The following MYC variants were observed in gnomAD, a reference collection of about 807,000 sequenced individuals.
The protein encoded by MYC is MYC proto-oncogene, bHLH transcription factor.
A neutral mutation model predicts 30.5 loss-of-function variants in MYC; 1 was observed. That is an observed-to-expected ratio of 0.03 (90% CI 0.01 to 0.16). MYC has a LOEUF of 0.16. Among genes scored for constraint, MYC ranks in the 10% least tolerant of loss-of-function variants. The pLI is 1.00. For missense variants in MYC, 508 were observed against 589.0 expected, an observed-to-expected ratio of 0.86 and a Z score of 1.42; for synonymous variants, 267 against 250.7, an observed-to-expected ratio of 1.07 and a Z score of -0.62.
rs2130094111 is a variant in MYC at position 127,738,512 on chromosome 8, G to A, written c.295G>A (p.Gly99Arg). 1.9e-6 allele frequency: 3 copies of A among 1,610,894 alleles called. No individual in the cohort carries two copies. Among genetic ancestry groups the A allele is most frequent in the Non-Finnish European group, 2.5e-6 (3 of 1,178,098 alleles). Residue 99 changes from glycine (G) to arginine (R), a missense_variant, in exon 2 of 3, where the codon GGA (glycine) becomes AGA (arginine). By Grantham distance (125) the Gly-to-Arg change is moderately radical. This residue lies in a region of MYC where 364 missense variants were observed against 381.1 expected (regional missense o/e 0.96). Coordinates refer to ENST00000621592, the MANE Select transcript of MYC (RefSeq NM_002467.6). The surrounding 1 kb of genome is among the most constrained non-coding windows in gnomAD (Gnocchi z 7.6). ...TGCGGTCACACCCTTCTCCCTTCGGGGAGACAACGACGGCGGTGGCGGGAG... is the reference window on the plus strand; with the variant it reads ...TGCGGTCACACCCTTCTCCCTTCGGAGAGACAACGACGGCGGTGGCGGGAG...
In MYC at chr8:127,736,282, G is replaced by T; in HGVS notation, c.-312G>T. 6 of 546,914 alleles carry T rather than the reference G, an allele frequency of 1.1e-5. No homozygotes were observed. In the South Asian group the frequency reaches 1.6e-4, roughly 15 times the overall value. The allele number at this position is 546,914 out of a possible 1,614,324, so 33.9% of individuals were successfully genotyped here. A position where few individuals can be genotyped will look rare whatever the true frequency, so the allele number is the denominator to read the frequency against. ...GGCAGAGGGAGCGAGCGGGCGGCCG[G>T]CTAGGGTGGAAGAGCCGGGCGAGCA... On this transcript the variant is annotated 5_prime_UTR_variant, in exon 1 of 3. Coordinates refer to ENST00000621592, the MANE Select transcript of MYC (RefSeq NM_002467.6).
Position 127,741,752 on chromosome 8 carries a change from G to A in MYC, c.*794G>A, listed in dbSNP as rs1023896394. On this transcript the variant is annotated 3_prime_UTR_variant, in exon 3 of 3. Coordinates refer to ENST00000621592, the MANE Select transcript of MYC (RefSeq NM_002467.6). ...GGCATAAGGACTGGGGAGTTGGGAG[G>A]AAGGTGAGGAAGAAACTCCTGTTAC... Among the ~76,000 whole-genome samples the A allele has an allele frequency of 3.3e-5, 5 of 152,180 alleles. No individual in the cohort carries two copies. The highest frequency in any genetic ancestry group is 6.5e-5 in the Admixed American group (1 of 15,286).
At chr8:127,739,667 T>TA (rs1313531313) in intron 2 of MYC, among the ~76,000 whole-genome samples, 2 of 152,288 alleles carry the variant, frequency 1.3e-5, no homozygotes, top group South Asian at 4.1e-4. Flanking sequence ...TTTTTTTTTT[T>TA]TTATTTTTCA....
Position 127,740,951 on chromosome 8 carries a change from G to A in MYC, c.1358G>A (p.Cys453Tyr). 3 of 1,557,130 alleles carry A rather than the reference G, an allele frequency of 1.9e-6. No individual in the cohort carries two copies. The highest frequency in any genetic ancestry group is 1.2e-5 in the South Asian group (1 of 81,902). Residue 453 changes from cysteine to tyrosine, a missense_variant, in exon 3 of 3, where the codon TGT becomes TAT. Coordinates refer to ENST00000621592, the MANE Select transcript of MYC (RefSeq NM_002467.6). ...AAACTTGAACAGCTACGGAACTCTT[G>A]TGCGTAAGGAAAAGTAAGGAAAACG...
Position 127,738,509 on chromosome 8 carries a change from C to T in MYC, c.292C>T (p.Arg98Trp), listed in dbSNP as rs1813646341. ...CGTTGCGGTCACACCCTTCTCCCTT[C>T]GGGGAGACAACGACGGCGGTGGCGG... The change falls in exon 2 of 3, where the codon CGG (arginine) becomes TGG (tryptophan). Residue 98 changes from arginine (R) to tryptophan (W), a missense_variant. Arg to Trp is a moderately radical substitution (Grantham distance 101, BLOSUM62 -3). Coordinates refer to ENST00000621592, the MANE Select transcript of MYC (RefSeq NM_002467.6). This position sits in a 1 kb window ranked among gnomAD's most constrained non-coding sequence, Gnocchi z 7.6. 3.7e-6 allele frequency: 6 copies of T among 1,610,278 alleles called. No homozygotes were observed. The highest frequency in any genetic ancestry group is 1.1e-5 in the South Asian group (1 of 90,346).
Position 127,736,537 on chromosome 8 carries a change from C to T in MYC, c.-57C>T. 1.2e-6 allele frequency: 2 copies of T among 1,604,764 alleles called. No homozygotes were observed. Among genetic ancestry groups the T allele is most frequent in the South Asian group, 1.1e-5 (1 of 90,618 alleles). On this transcript the variant is annotated 5_prime_UTR_variant, in exon 1 of 3. Transcript: ENST00000621592. ...CTATTCTGCCCATTTGGGGACACTTCCCCGCCGCTGCCAGGACCCGCTTCT... is the reference window on the plus strand; with the variant it reads ...CTATTCTGCCCATTTGGGGACACTTTCCCGCCGCTGCCAGGACCCGCTTCT...
At position 127,741,573 on chromosome 8, in the gene MYC, G is replaced by A. The variant is rs1173655072; in HGVS notation, c.*615G>A. 1.1e-5 allele frequency: 2 copies of A among 182,160 alleles called. No individual in the cohort carries two copies. Among genetic ancestry groups the A allele is most frequent in the Admixed American group, 1.2e-4 (2 of 16,072 alleles). The allele number at this position is 182,160 out of a possible 1,614,324, so 11.3% of individuals were successfully genotyped here. On this transcript the variant is annotated 3_prime_UTR_variant, in exon 3 of 3. Coordinates refer to ENST00000621592, the MANE Select transcript of MYC (RefSeq NM_002467.6). The stretch of plus-strand genomic sequence containing the variant: ...TTGAAATGGGTCTGGGGGCCTTAAG[G>A]TCTTTAAGTTCTTGGAGGTTCTAAG...
intron 1 of MYC, 73 bp downstream of exon 1, chr8:127,736,696 A>G (rs1441575428): frequency 6.6e-7 from 1 of 1,506,030 alleles, no homozygotes; most frequent in East Asian, 2.3e-5. Context: ...TCGAATGCCT[A>G]AATAGGGTGT....
In MYC at chr8:127,740,261, G is replaced by A. The variant is rs995160332; in HGVS notation, c.803-135G>A. ...AGCCAGGGCACCAGGCTTAGATGTG[G>A]CTCTTTGGGGAGATAATTTTGTCCA... is the stretch of plus-strand genomic sequence containing the variant. On this transcript the variant is annotated intron_variant, in intron 2 of 2. Transcript: ENST00000621592. 26 of 935,944 alleles carry A rather than the reference G, an allele frequency of 2.8e-5. No homozygotes were observed. The African/African-American group carries it at 3.4e-4, about 12-fold the overall frequency. 58.0% of individuals were successfully genotyped at this position (935,944 alleles called of 1,614,324 possible). A position where few individuals can be genotyped will look rare whatever the true frequency, so the allele number is the denominator to read the frequency against.
rs2130092523 is a variant in MYC, at chr8:127,738,334, C to T, written c.117C>T (p.Tyr39=). Reference sequence around the variant, plus strand: ...ACGACTCGGTGCAGCCGTATTTCTACTGCGACGAGGAGGAGAACTTCTACC... The same window carrying T: ...ACGACTCGGTGCAGCCGTATTTCTATTGCGACGAGGAGGAGAACTTCTACC... Residue 39 remains tyrosine (Y), a synonymous_variant, in exon 2 of 3, where the codon TAC becomes TAT. Transcript: ENST00000621592. This position sits in a 1 kb window ranked among gnomAD's most constrained non-coding sequence, Gnocchi z 7.6. The T allele has an allele frequency of 6.2e-7, 1 of 1,614,172 alleles. No homozygotes were observed. The highest frequency in any genetic ancestry group is 8.5e-7 in the Non-Finnish European group (1 of 1,180,004).
chr8:127,737,915 G>A (rs1813627249), intron 1 of MYC, among the ~76,000 whole-genome samples: 1 of 152,160 alleles, frequency 6.6e-6, no homozygotes, highest in Non-Finnish European at 1.5e-5. Flanking sequence ...CACCTCCCGC[G>A]GCTTCTTAAG....
chr8:127,740,643 G>C lies in MYC; in HGVS notation c.1050G>C (p.Gln350His), dbSNP rs1813695579. The change falls in exon 3 of 3, where the codon CAG (glutamine) becomes CAC (histidine). Residue 350 changes from glutamine (Q) to histidine (H), a missense_variant. Transcript: ENST00000621592. Reference sequence around the variant, plus strand: ...TGGACAGTGTCAGAGTCCTGAGACAGATCAGCAACAACCGAAAATGCACCA... The same window carrying C: ...TGGACAGTGTCAGAGTCCTGAGACACATCAGCAACAACCGAAAATGCACCA... The C allele has an allele frequency of 3.1e-6, 5 of 1,614,126 alleles. No individual in the cohort carries two copies. The highest frequency in any genetic ancestry group is 4.2e-6 in the Non-Finnish European group (5 of 1,180,036).
rs1813589447 is a variant in MYC, at chr8:127,736,381, C to G, written c.-213C>G. ...GGCTTCGCCTCTGGCCCAGCCCTCC[C>G]GCTGATCCCCCAGCCAGCGGTCCGC... On this transcript the variant is annotated 5_prime_UTR_variant, in exon 1 of 3. Coordinates refer to ENST00000621592, the MANE Select transcript of MYC (RefSeq NM_002467.6). The G allele has an allele frequency of 1.6e-6, 1 of 613,894 alleles. No individual in the cohort carries two copies. Among genetic ancestry groups the G allele is most frequent in the African/African-American group, 1.9e-5 (1 of 54,048 alleles). 38.0% of individuals were successfully genotyped at this position (613,894 alleles called of 1,614,324 possible).
Position 127,740,585 on chromosome 8 carries a change from G to A in MYC, c.992G>A (p.Arg331Gln), listed in dbSNP as rs772772048. ...AACTACGCAGCGCCTCCCTCCACTC[G>A]GAAGGACTATCCTGCTGCCAAGAGG... The change falls in exon 3 of 3, where the codon CGG becomes CAG. Residue 331 changes from arginine (R) to glutamine (Q), a missense_variant. Physicochemically the swap from Arg to Gln is conservative, Grantham distance 43. Coordinates refer to ENST00000621592, the MANE Select transcript of MYC (RefSeq NM_002467.6). 2.5e-6 allele frequency: 4 copies of A among 1,613,836 alleles called. No homozygotes were observed. The highest frequency in any genetic ancestry group is 3.4e-6 in the Non-Finnish European group (4 of 1,180,002).
rs895505807 is a variant in MYC, at chr8:127,737,130, C to T, written c.30+507C>T. Among the ~76,000 whole-genome samples the T allele has an allele frequency of 3.2e-4, 48 of 152,276 alleles. 1 individual carries two copies. Among genetic ancestry groups the T allele is most frequent in the Admixed American group, 2.9e-3 (44 of 15,292 alleles). On this transcript the variant is annotated intron_variant, in intron 1 of 2. Coordinates refer to ENST00000621592, the MANE Select transcript of MYC (RefSeq NM_002467.6). ...TCACCGCATTTCTGACAGCCGGAGA[C>T]GGACACTGCGGCGCGTCCCGCCCGC...
At position 127,741,171 on chromosome 8, in the gene MYC, G is replaced by T; in HGVS notation, c.*213G>T. On this transcript the variant is annotated 3_prime_UTR_variant, in exon 3 of 3. Transcript: ENST00000621592. ...TCTTTTTTTTTTCTTTAACAGATTT[G>T]TATTTAAGAATTGTTTTTAAAAAAT... 2 of 409,134 alleles carry T rather than the reference G, an allele frequency of 4.9e-6. No individual in the cohort carries two copies. Among genetic ancestry groups the T allele is most frequent in the South Asian group, 9.2e-5 (1 of 10,876 alleles). 25.3% of individuals were successfully genotyped at this position (409,134 alleles called of 1,614,324 possible). A position where few individuals can be genotyped will look rare whatever the true frequency, so the allele number is the denominator to read the frequency against.
intron 2 of MYC, among the ~76,000 whole-genome samples, chr8:127,739,426 A>G (rs1757199134): frequency 6.6e-6 from 1 of 152,136 alleles, no homozygotes; most frequent in South Asian, 2.1e-4. Context: ...AACTTCCGAG[A>G]AGTGGTGGGA....
Position 127,736,747 on chromosome 8 carries a change from T to C in MYC, c.30+124T>C, listed in dbSNP as rs140142417. 10 of 1,147,534 alleles carry C rather than the reference T, an allele frequency of 8.7e-6. No homozygotes were observed. In the African/African-American group the frequency reaches 1.4e-4, roughly 16 times the overall value. The allele number at this position is 1,147,534 out of a possible 1,614,324, so 71.1% of individuals were successfully genotyped here. The stretch of plus-strand genomic sequence containing the variant: ...TGCGCTATTGACACTTTTCTCAGAG[T>C]AGTTATGGTAACTGGGGCTGGGGTG... On this transcript the variant is annotated intron_variant, in intron 1 of 2. Coordinates refer to ENST00000621592, the MANE Select transcript of MYC (RefSeq NM_002467.6).
Position 127,739,521 on chromosome 8 carries a change from CAA to C in MYC, c.802+503_802+504del, listed in dbSNP as rs1223875049. On this transcript the variant is annotated intron_variant, in intron 2 of 2. Transcript: ENST00000621592. ...GAGTGCGGGAGCCAGTGAACTGCCT[CAA>C]GAGTGGGTGGGCTGAGGAGCTGGGA... Among the ~76,000 whole-genome samples the C allele has an allele frequency of 2.0e-5, 3 of 152,262 alleles. No homozygotes were observed. The East Asian group carries it at 5.8e-4, about 29-fold the overall frequency.
Sources: gnomAD v4.1 joint callset for allele counts (sites outside exome capture counted in the v4.1 genomes callset) on GRCh38, gnomAD v4.1.1 for gene constraint, gnomAD v4.1.1 regional missense constraint, Gnocchi (gnomAD v3.1) non-coding constraint, MANE v1.5 for transcripts, NCBI Gene and HGNC (gene_info 2026-07-23, HGNC 2026-07-21) for gene names.